SGCZ: variants seen among roughly 807,000 people sequenced by gnomAD.
SGCZ encodes zeta-sarcoglycan.
A neutral mutation model predicts 41.3 loss-of-function variants in SGCZ; 40 were observed. The observed-to-expected ratio is 0.97, with a 90% CI of 0.75 to 1.26. The LOEUF (loss-of-function observed/expected upper bound fraction) is 1.26. Ranked by LOEUF, SGCZ falls within the 50% of genes most tolerant of loss-of-function variation. The pLI is 0.00. For missense variants in SGCZ, 552 were observed against 369.8 expected (o/e 1.49, Z -4.04); for synonymous variants, 206 against 137.5 (o/e 1.50, Z -3.49).
At chr8:15,006,422 A>T (rs1470161872) in intron 1 of SGCZ, among the ~76,000 whole-genome samples, 1 of 152,202 alleles carries the variant, frequency 6.6e-6, no homozygotes, top group East Asian at 1.9e-4. Context: ...TTTAAATAAT[A>T]ATTGGACATT....
At chr8:15,223,061 C>A (rs549890997) in intron 1 of SGCZ, among the ~76,000 whole-genome samples, 221 of 152,214 alleles carry the variant, frequency 1.5e-3, no homozygotes, top group Non-Finnish European at 2.8e-3. Flanking sequence ...ATGAGAGAAT[C>A]TTAAATCATA....
chr8:15,201,365 C>T (rs776388241), intron 1 of SGCZ, among the ~76,000 whole-genome samples: 14 of 152,086 alleles, frequency 9.2e-5, no homozygotes, highest in Middle Eastern at 3.2e-3. Flanking sequence ...AGGTACCTGC[C>T]GATGACTCAT....
At chr8:14,106,992 G>T (rs986738887) in intron 6 of SGCZ, among the ~76,000 whole-genome samples, 1 of 152,104 alleles carries the variant, frequency 6.6e-6, no homozygotes, top group Non-Finnish European at 1.5e-5. Context: ...CGAGGAGGGC[G>T]GATCAGAAGG....
At chr8:14,466,010 A>C (rs947060892) in intron 2 of SGCZ, among the ~76,000 whole-genome samples, 2 of 151,948 alleles carry the variant, frequency 1.3e-5, no homozygotes, top group African/African-American at 2.4e-5. Flanking sequence ...TATTGTTAAA[A>C]TAATACTAGC....
chr8:14,609,180 T>C (rs1363367704), intron 1 of SGCZ, among the ~76,000 whole-genome samples: 1 of 152,174 alleles, frequency 6.6e-6, no homozygotes, highest in Non-Finnish European at 1.5e-5. Context: ...CCCTTTGAGA[T>C]TGTAATAACA....
chr8:14,653,937 G>C (rs1324417828), intron 1 of SGCZ, among the ~76,000 whole-genome samples: 1 of 152,030 alleles, frequency 6.6e-6, no homozygotes, highest in African/African-American at 2.4e-5. Flanking sequence ...CCAATTAAAA[G>C]ACAGATTTGT....
intron 2 of SGCZ, among the ~76,000 whole-genome samples, chr8:14,368,006 T>A (rs1803774497): frequency 6.6e-6 from 1 of 152,120 alleles, no homozygotes; most frequent in African/African-American, 2.4e-5. Context: ...GTTTTATATC[T>A]ATTTTAATTT....
intron 2 of SGCZ, among the ~76,000 whole-genome samples, chr8:14,485,406 T>A (rs1410015031): frequency 6.6e-6 from 1 of 152,070 alleles, no homozygotes; most frequent in African/African-American, 2.4e-5. Flanking sequence ...CAGGCTAATT[T>A]TTTGTGTTTT....
At chr8:14,491,912 A>G (rs1801852833) in intron 2 of SGCZ, among the ~76,000 whole-genome samples, 4 of 152,186 alleles carry the variant, frequency 2.6e-5, no homozygotes, top group Admixed American at 2.6e-4. Context: ...ATCCTTTATC[A>G]TCACAGAATA....
At chr8:14,532,449 T>C (rs1803162010) in intron 2 of SGCZ, among the ~76,000 whole-genome samples, 2 of 151,872 alleles carry the variant, frequency 1.3e-5, no homozygotes, top group South Asian at 4.1e-4. Flanking sequence ...ATTTGATAAA[T>C]GAAAGAGACA....
chr8:14,687,764 C>A (rs957075321), intron 1 of SGCZ, among the ~76,000 whole-genome samples: 1 of 151,782 alleles, frequency 6.6e-6, no homozygotes, highest in African/African-American at 2.4e-5. Flanking sequence ...CCTGAGGAAT[C>A]GCCACACTGA....
intron 1 of SGCZ, among the ~76,000 whole-genome samples, chr8:15,002,203 A>AAAAG (rs1802450278): frequency 4.4e-5 from 1 of 22,744 alleles, no homozygotes; most frequent in Admixed American, 5.9e-4. Context: ...AGTCAGCTCT[A>AAAAG]AAAAAAAAAA....
intron 2 of SGCZ, among the ~76,000 whole-genome samples, chr8:14,498,395 C>A (rs754787071): frequency 6.6e-6 from 1 of 151,886 alleles, no homozygotes; most frequent in Non-Finnish European, 1.5e-5. Context: ...GTTGATATAC[C>A]CTTTTTATCA....
chr8:14,266,640 G>T (rs1799876958), intron 3 of SGCZ, among the ~76,000 whole-genome samples: 1 of 152,086 alleles, frequency 6.6e-6, no homozygotes, highest in South Asian at 2.1e-4. Flanking sequence ...AGTGAAGAGT[G>T]AAGAAATCGT....
At chr8:14,529,084 T>C (rs1022656150) in intron 2 of SGCZ, among the ~76,000 whole-genome samples, 5 of 152,142 alleles carry the variant, frequency 3.3e-5, no homozygotes, top group Non-Finnish European at 7.4e-5. Flanking sequence ...ACCACTTTTA[T>C]GACCAATCAT....
intron 1 of SGCZ, among the ~76,000 whole-genome samples, chr8:14,573,821 G>C (rs1414093991): frequency 6.6e-6 from 1 of 152,088 alleles, no homozygotes; most frequent in East Asian, 1.9e-4. Flanking sequence ...TAGTGTTTGA[G>C]AAACACCATA....
rs577235317 is a variant in SGCZ at position 14,545,982 on chromosome 8, G to A, written c.234+8750C>T. On this transcript the variant is annotated intron_variant, in intron 2 of 7. Coordinates refer to ENST00000382080, the MANE Select transcript of SGCZ (RefSeq NM_139167.4). ...TGTTTGCACTTGGATAAAAATGACT[G>A]AATTTTTCTTTATAAAGTCAAGGAA... 6.0e-4 allele frequency among the ~76,000 whole-genome samples: 91 copies of A among 152,196 alleles called. 2 individuals are homozygous for A. In the South Asian group the frequency reaches 0.012, roughly 19 times the overall value.
chr8:14,969,738 G>C (rs1450183237), intron 1 of SGCZ, among the ~76,000 whole-genome samples: 1 of 151,890 alleles, frequency 6.6e-6, no homozygotes, highest in African/African-American at 2.4e-5. Flanking sequence ...TTCTATCACT[G>C]AGTAATATCC....
At chr8:14,374,827 T>C (rs958539302) in intron 2 of SGCZ, among the ~76,000 whole-genome samples, 1 of 152,078 alleles carries the variant, frequency 6.6e-6, no homozygotes, top group African/African-American at 2.4e-5. Context: ...AAAAACATTA[T>C]GGAGTCCTGA....
Sources: allele counts gnomAD v4.1 joint callset (sites outside exome capture counted in the v4.1 genomes callset), GRCh38; gene constraint gnomAD v4.1.1; transcripts MANE v1.5; gene names NCBI Gene and HGNC (gene_info 2026-07-23, HGNC 2026-07-21).